Variants in DDX46 observed in about 807,000 individuals in gnomAD.
DDX46 encodes DEAD-box helicase 46, also known as probable ATP-dependent RNA helicase DDX46.
DDX46 carries 30 observed loss-of-function variants against 134.9 expected under a neutral mutation model. The ratio of observed to expected loss-of-function variants is 0.22; its 90% CI spans 0.17 to 0.30. The LOEUF is 0.30. Among genes scored for constraint, DDX46 ranks in the 10% least tolerant of loss-of-function variants. DDX46 has a pLI of 1.00. For missense variants in DDX46, 622 were observed against 1,248.7 expected (o/e 0.50, Z 7.56); for synonymous variants, 415 against 404.1 (o/e 1.03, Z -0.32).
intron 3 of DDX46, among the ~76,000 whole-genome samples, chr5:134,768,103 G>A (rs1020723074): frequency 3.3e-5 from 5 of 151,388 alleles, no homozygotes; most frequent in Admixed American, 6.6e-5. Context: ...GATGTAATAA[G>A]TGAAGATTTT....
Position 134,788,544 on chromosome 5 carries a change from T to C in DDX46, c.1496T>C (p.Ile499Thr). 6.2e-7 allele frequency: 1 copy of C among 1,614,078 alleles called. No homozygotes were observed. Among genetic ancestry groups the C allele is most frequent in the Non-Finnish European group, 8.5e-7 (1 of 1,179,966 alleles). Residue 499 changes from isoleucine to threonine, a missense_variant, in exon 12 of 23, where the codon ATT (isoleucine) becomes ACT (threonine). By Grantham distance (89) the Ile-to-Thr change is moderately conservative (BLOSUM62 -1). This residue lies in a region of DDX46 where 209 missense variants were observed against 508.4 expected (regional missense o/e 0.41). Transcript: ENST00000452510. ...GAGCTGAAAAGAGGTGCTGAAATTA[T>C]TGTTTGCACACCTGGTCGAATGATT... ...IAELKRGAEI[I>T]VCTPGRMIDM...
intron 15 of DDX46, among the ~76,000 whole-genome samples, chr5:134,796,513 G>A (rs1237911039): frequency 6.6e-6 from 1 of 152,008 alleles, no homozygotes; most frequent in East Asian, 1.9e-4. Context: ...TTGTGATATT[G>A]CTATCACATG....
intron 14 of DDX46, 66 bp downstream of exon 14, chr5:134,795,080 T>G: frequency 6.4e-7 from 1 of 1,570,756 alleles, no homozygotes; most frequent in South Asian, 1.2e-5. Flanking sequence ...GATTCTTCTA[T>G]GATCACTGTT....
intron 15 of DDX46, among the ~76,000 whole-genome samples, chr5:134,800,977 A>G (rs934359257): frequency 1.3e-5 from 2 of 151,392 alleles, no homozygotes; most frequent in African/African-American, 4.8e-5. Flanking sequence ...ACCTGGCCTC[A>G]TGTATTCTTT....
chr5:134,770,846 A>G, intron 3 of DDX46, 57 bp from the exon 4 acceptor site: 1 of 1,404,004 alleles, frequency 7.1e-7, no homozygotes, highest in Non-Finnish European at 9.6e-7. Flanking sequence ...TTTAAAAATG[A>G]ATGTTTCTAA....
In DDX46 at chr5:134,785,703, T is replaced by TA; in HGVS notation, c.1464+123dup. The TA allele has an allele frequency of 2.4e-6, 3 of 1,233,138 alleles. No individual in the cohort carries two copies. The South Asian group carries it at 4.9e-5, about 20-fold the overall frequency. 76.4% of individuals were successfully genotyped at this position (1,233,138 alleles called of 1,614,324 possible). On this transcript the variant is annotated intron_variant, in intron 11 of 22. Coordinates refer to ENST00000452510, the MANE Select transcript of DDX46 (RefSeq NM_001300860.2). ...AATAGTGATTGCTTCTAAAATCATTTAAAAAATGAAGTATAAAAATAATAG... is the reference window on the plus strand; with the variant it reads ...AATAGTGATTGCTTCTAAAATCATTTAAAAAAATGAAGTATAAAAATAATAG...
chr5:134,763,997 C>T lies in DDX46; in HGVS notation c.111C>T (p.Asp37=). ...PSDKRSKRGD[D]RRSRSRDRDR... ...ACAAAAGAAGTAAACGTGGAGATGA[C>T]AGACGGTCTAGAAGTAGAGATAGAG... The change falls in exon 2 of 23, where the codon GAC becomes GAT. Residue 37 remains aspartate (D), a synonymous_variant. Transcript: ENST00000452510. The T allele has an allele frequency of 7.4e-6, 12 of 1,614,142 alleles. No homozygotes were observed. Among genetic ancestry groups the T allele is most frequent in the Non-Finnish European group, 1.0e-5 (12 of 1,180,046 alleles).
Position 134,828,741 on chromosome 5 carries a change from T to C in DDX46, c.*35T>C. 2.1e-6 allele frequency: 3 copies of C among 1,407,944 alleles called. No individual in the cohort carries two copies. Among genetic ancestry groups the C allele is most frequent in the Non-Finnish European group, 2.8e-6 (3 of 1,062,642 alleles). 87.2% of individuals were successfully genotyped at this position (1,407,944 alleles called of 1,614,324 possible). On this transcript the variant is annotated 3_prime_UTR_variant, in exon 23 of 23. Transcript: ENST00000452510. ...AAAAAGATTTTTACCTGTGCTGGTC[T>C]ATGATGTATGTGGCAGTTGCTGTCT... is the stretch of plus-strand genomic sequence containing the variant.
At chr5:134,782,890 G>T (rs1754198516) in intron 8 of DDX46, 55 bp from the exon 9 acceptor site, 3 of 1,584,680 alleles carry the variant, frequency 1.9e-6, no homozygotes, top group Non-Finnish European at 1.7e-6. Flanking sequence ...TTGAAAAGTA[G>T]AAGACACCAA....
chr5:134,785,323 T>C (rs748661561), intron 10 of DDX46, 142 bp from the exon 11 acceptor site: 1 of 997,136 alleles, frequency 1.0e-6, no homozygotes, highest in Non-Finnish European at 1.4e-6. Context: ...TATACAACTT[T>C]TGAAATAGTT....
At position 134,766,941 on chromosome 5, in the gene DDX46, C is replaced by T. The variant is rs377136532; in HGVS notation, c.231C>T (p.Asp77=). 1 of 1,613,610 alleles carries T rather than the reference C, an allele frequency of 6.2e-7. No individual in the cohort carries two copies. Among genetic ancestry groups the T allele is most frequent in the Non-Finnish European group, 8.5e-7 (1 of 1,179,836 alleles). ...RLRRSRSRER[D]RSRERRRSRS... is the part of the protein sequence containing the mutation. ...GACGTTCCAGAAGTAGAGAGAGAGACAGAAGCCGAGAGCGAAGAAGATCTC... is the reference window on the plus strand; with the variant it reads ...GACGTTCCAGAAGTAGAGAGAGAGATAGAAGCCGAGAGCGAAGAAGATCTC... The change falls in exon 3 of 23, where the codon GAC becomes GAT. Residue 77 remains aspartate (D), a synonymous_variant. Coordinates refer to ENST00000452510, the MANE Select transcript of DDX46 (RefSeq NM_001300860.2).
intron 18 of DDX46, among the ~76,000 whole-genome samples, chr5:134,812,048 T>C (rs902439853): frequency 2.0e-5 from 3 of 149,646 alleles, no homozygotes; most frequent in African/African-American, 7.4e-5. Flanking sequence ...CTTCAAAGGA[T>C]GTGAAAAGTC....
intron 16 of DDX46, among the ~76,000 whole-genome samples, chr5:134,810,721 T>G (rs1755118376): frequency 1.3e-5 from 2 of 151,224 alleles, no homozygotes; most frequent in South Asian, 2.1e-4. Flanking sequence ...AATATTAAAC[T>G]TGGGCCGGGC....
chr5:134,788,765 C>T (rs113002976), intron 12 of DDX46, among the ~76,000 whole-genome samples, 174 bp downstream of exon 12: 106 of 152,048 alleles, frequency 7.0e-4, no homozygotes, highest in African/African-American at 2.4e-3. Flanking sequence ...AGGAGAATAG[C>T]TTGAACCCGG....
chr5:134,810,965 C>T lies in DDX46; in HGVS notation c.2149-256C>T, dbSNP rs942574828. Among the ~76,000 whole-genome samples, 23 of 152,106 alleles carry T rather than the reference C, an allele frequency of 1.5e-4. 1 individual carries two copies. Among genetic ancestry groups the T allele is most frequent in the Non-Finnish European group, 2.6e-4 (18 of 67,988 alleles). On this transcript the variant is annotated intron_variant, in intron 16 of 22. Coordinates refer to ENST00000452510, the MANE Select transcript of DDX46 (RefSeq NM_001300860.2). ...AGGTTGCAATGAGCCAAAACTGCGCCACTGCACTCCAGCCTGGGCAACAGA... is the reference window on the plus strand; with the variant it reads ...AGGTTGCAATGAGCCAAAACTGCGCTACTGCACTCCAGCCTGGGCAACAGA...
intron 19 of DDX46, 194 bp from the exon 20 acceptor site, chr5:134,817,302 C>T: frequency 1.8e-6 from 1 of 547,794 alleles, no homozygotes; most frequent in Non-Finnish European, 3.1e-6. Flanking sequence ...TTCTTATCCA[C>T]TAGGAGGTAC....
At position 134,795,024 on chromosome 5, in the gene DDX46, A is replaced by G. The variant is rs1345307634; in HGVS notation, c.1791+10A>G. 2 of 1,612,056 alleles carry G rather than the reference A, an allele frequency of 1.2e-6. No individual in the cohort carries two copies. Among genetic ancestry groups the G allele is most frequent in the South Asian group, 1.1e-5 (1 of 90,786 alleles). On this transcript the variant is annotated intron_variant, in intron 14 of 22. Coordinates refer to ENST00000452510, the MANE Select transcript of DDX46 (RefSeq NM_001300860.2). The stretch of plus-strand genomic sequence containing the variant: ...TGTGGAGCAACAAGTGGTGGGTACC[A>G]TCTTTAGGAAATTCCCAGTTTCCTT...
At chr5:134,791,349 A>G (rs967899500) in intron 13 of DDX46, among the ~76,000 whole-genome samples, 3 of 152,220 alleles carry the variant, frequency 2.0e-5, no homozygotes, top group African/African-American at 4.8e-5. Flanking sequence ...AGATGAGGTC[A>G]GGAGATCGAG....
intron 5 of DDX46, among the ~76,000 whole-genome samples, chr5:134,774,668 G>A (rs987153157): frequency 2.0e-5 from 3 of 152,102 alleles, no homozygotes; most frequent in Admixed American, 6.6e-5. Flanking sequence ...TTAAGGGCAT[G>A]CTTTCAAGTG....
Sources: allele counts gnomAD v4.1 joint callset (sites outside exome capture counted in the v4.1 genomes callset), GRCh38; gene constraint gnomAD v4.1.1; regional missense constraint gnomAD v4.1.1; transcripts MANE v1.5; gene names NCBI Gene and HGNC (gene_info 2026-07-23, HGNC 2026-07-21).